Variants in ASIP observed in about 807,000 individuals in gnomAD.
The protein encoded by ASIP is agouti-signaling protein.
ASIP carries 11 observed loss-of-function variants against 10.3 expected under a neutral mutation model. The observed-to-expected ratio is 1.07, with a 90% confidence interval of 0.68 to 1.78. The LOEUF (loss-of-function observed/expected upper bound fraction) is 1.78. Ranked by LOEUF, ASIP falls within the 40% of genes most tolerant of loss-of-function variation. The pLI is 0.00. For missense variants in ASIP, 180 were observed against 169.2 expected, an observed-to-expected ratio of 1.06 and a Z score of -0.35; for synonymous variants, 70 against 70.8, an observed-to-expected ratio of 0.99 and a Z score of 0.06.
Position 34,254,640 on chromosome 20 carries a change from T to C in ASIP, c.-10-5725T>C, listed in dbSNP as rs184479534. Among the ~76,000 whole-genome samples the C allele has an allele frequency of 3.7e-4, 56 of 152,318 alleles. 1 individual carries two copies. The highest frequency in any genetic ancestry group is 1.1e-3 in the African/African-American group (47 of 41,570). ...TATGAAGATCCATGCCTTTTTGCTATAGAAGCATTAATATTTTCATTATAG... is the reference window on the plus strand; with the variant it reads ...TATGAAGATCCATGCCTTTTTGCTACAGAAGCATTAATATTTTCATTATAG... On this transcript the variant is annotated intron_variant, in intron 1 of 3. Transcript: ENST00000374954.
intron 3 of ASIP, among the ~76,000 whole-genome samples, chr20:34,263,594 A>G (rs1457429687): frequency 6.7e-6 from 1 of 149,616 alleles, no homozygotes; most frequent in East Asian, 1.9e-4. Context: ...AACTTAAAAA[A>G]TGCAGTTGAC....
upstream of ASIP, among the ~76,000 whole-genome samples, chr20:34,191,730 C>CTTTTTT (rs58407816): frequency 1.6e-5 from 2 of 125,166 alleles, no homozygotes; most frequent in African/African-American, 3.3e-5. Context: ...CTCTCTCTCT[C>CTTTTTT]TTTTTTTTTT....
At chr20:34,186,677 A>C in the ASIP span, among the ~76,000 whole-genome samples, 7 of 152,000 alleles carry the variant, frequency 4.6e-5, no homozygotes, top group Non-Finnish European at 1.0e-4. Flanking sequence ...GACATGATTT[A>C]ATAATGAGGC....
chr20:34,215,224 T>A (rs1401763537), intron 1 of ASIP: 2 of 1,590,194 alleles, frequency 1.3e-6, no homozygotes, highest in Non-Finnish European at 1.7e-6. Context: ...AAACCTATCA[T>A]TGGCTAAAAG....
At chr20:34,265,005 G>A (rs191876419) in intron 3 of ASIP, among the ~76,000 whole-genome samples, 140 of 151,774 alleles carry the variant, frequency 9.2e-4, no homozygotes, top group Middle Eastern at 3.4e-3. Flanking sequence ...GGTGTTGCCC[G>A]GGCTGGTCTC....
At chr20:34,189,661 A>G (rs2034813639), upstream of ASIP, among the ~76,000 whole-genome samples, 1 of 152,224 alleles carries the variant, frequency 6.6e-6, no homozygotes, top group Non-Finnish European at 1.5e-5. Context: ...GAAACTCTGA[A>G]ATACTATGGG....
At chr20:34,189,430 C>T in the ASIP span, among the ~76,000 whole-genome samples, 5 of 151,944 alleles carry the variant, frequency 3.3e-5, no homozygotes, top group Admixed American at 6.6e-5. Context: ...TTAGTAGAGA[C>T]GGGGTTTCTC....
chr20:34,216,030 G>A (rs1601575036), intron 1 of ASIP: 5 of 650,110 alleles, frequency 7.7e-6, no homozygotes, highest in Admixed American at 4.3e-5. Context: ...GAACGGAGCC[G>A]AGCGGCGCAG....
intron 1 of ASIP, among the ~76,000 whole-genome samples, chr20:34,219,987 G>A (rs1224961789): frequency 2.0e-5 from 3 of 152,188 alleles, no homozygotes; most frequent in Non-Finnish European, 4.4e-5. Context: ...CTACTAGGGA[G>A]GCTGAGGCAG....
At chr20:34,187,949 C>G in the ASIP span, among the ~76,000 whole-genome samples, 1 of 152,170 alleles carries the variant, frequency 6.6e-6, no homozygotes, top group East Asian at 1.9e-4. Flanking sequence ...ACCAATTCTC[C>G]TCTGCTGTGT....
Position 34,245,469 on chromosome 20 carries a change from C to T in ASIP, c.-11+3980C>T, listed in dbSNP as rs181493465. On this transcript the variant is annotated intron_variant, in intron 1 of 3. Transcript: ENST00000374954. The stretch of plus-strand genomic sequence containing the variant: ...AATGGCAGATCTCGGCTCACTGCAA[C>T]CTCCGCCTCCCAGGTTCCAGCGATT... Among the ~76,000 whole-genome samples, 662 of 151,430 alleles carry T rather than the reference C, an allele frequency of 4.4e-3. 6 individuals carry two copies. The highest frequency in any genetic ancestry group is 0.015 in the African/African-American group (613 of 41,278).
intron 1 of ASIP, among the ~76,000 whole-genome samples, chr20:34,202,742 A>G (rs1448031163): frequency 2.0e-5 from 3 of 146,746 alleles, no homozygotes; most frequent in Non-Finnish European, 3.0e-5. Flanking sequence ...ATAAGTTTTG[A>G]TATTTGGTAG....
chr20:34,259,768 C>A (rs2035656874), intron 1 of ASIP, among the ~76,000 whole-genome samples: 2 of 151,812 alleles, frequency 1.3e-5, no homozygotes, highest in African/African-American at 4.8e-5. Context: ...AAAAATCCAG[C>A]TAGCAAATAA....
At chr20:34,189,128 TG>T in the ASIP span, among the ~76,000 whole-genome samples, 1 of 152,192 alleles carries the variant, frequency 6.6e-6, no homozygotes, top group Admixed American at 6.5e-5. Context: ...ATTTTTCAGA[TG>T]AGAAAACTGA....
chr20:34,256,401 C>T (rs952840469), intron 1 of ASIP, among the ~76,000 whole-genome samples: 5 of 152,178 alleles, frequency 3.3e-5, no homozygotes, highest in Non-Finnish European at 7.3e-5. Context: ...TACGATCTCT[C>T]GTCTCCACAC....
intron 2 of ASIP, among the ~76,000 whole-genome samples, chr20:34,262,049 G>C (rs1027249888): frequency 6.6e-6 from 1 of 151,930 alleles, no homozygotes; most frequent in African/African-American, 2.4e-5. Flanking sequence ...GGAGGCAGAA[G>C]TCACAGTGAG....
At chr20:34,217,971 T>G (rs573473593) in intron 1 of ASIP, among the ~76,000 whole-genome samples, 15 of 152,324 alleles carry the variant, frequency 9.8e-5, no homozygotes, top group Middle Eastern at 3.4e-3. Context: ...TTGGCTTCTC[T>G]TTTTCTCCAG....
intron 1 of ASIP, chr20:34,213,650 G>C: frequency 1.3e-6 from 2 of 1,563,048 alleles, no homozygotes; most frequent in South Asian, 1.1e-5. Context: ...AACTCCTGGA[G>C]GTCTTTTGCT....
intron 3 of ASIP, among the ~76,000 whole-genome samples, chr20:34,267,092 T>A (rs1568773999): frequency 6.6e-6 from 1 of 152,198 alleles, no homozygotes; most frequent in African/African-American, 2.4e-5. Context: ...GATAAAAATA[T>A]ATAACTGACA....
Sources: allele counts gnomAD v4.1 joint callset (sites outside exome capture counted in the v4.1 genomes callset), GRCh38; gene constraint gnomAD v4.1.1; transcripts MANE v1.5; gene names NCBI Gene and HGNC (gene_info 2026-07-23, HGNC 2026-07-21).